Variants in MGAT4C observed in about 807,000 individuals in gnomAD.
MGAT4C encodes MGAT4 family member C.
MGAT4C carries 19 observed loss-of-function variants against 40.1 expected under a neutral mutation model. That is an observed-to-expected ratio of 0.47 (90% CI 0.33 to 0.70). The LOEUF (loss-of-function observed/expected upper bound fraction) is 0.70. MGAT4C is among the 30% of genes least tolerant of loss of function. The pLI is 0.02. For synonymous variants in MGAT4C, 181 were observed against 187.1 expected, an observed-to-expected ratio of 0.97 and a Z score of 0.27; for missense variants, 491 against 563.2, an observed-to-expected ratio of 0.87 and a Z score of 1.30.
chr12:86,322,752 C>T (rs1376576759), intron 4 of MGAT4C, among the ~76,000 whole-genome samples: 2 of 151,858 alleles, frequency 1.3e-5, no homozygotes, highest in Non-Finnish European at 2.9e-5. Flanking sequence ...TTTTACAAGT[C>T]CAATAACGTG....
intron 4 of MGAT4C, among the ~76,000 whole-genome samples, chr12:86,272,874 AAATT>A (rs1343568093): frequency 2.0e-5 from 3 of 152,152 alleles, no homozygotes; most frequent in Admixed American, 6.5e-5. Context: ...TAAATAAATT[AAATT>A]AATTAAATAT....
intron 4 of MGAT4C, among the ~76,000 whole-genome samples, chr12:86,264,166 G>C (rs1353897237): frequency 6.6e-6 from 1 of 152,066 alleles, no homozygotes; most frequent in Non-Finnish European, 1.5e-5. Flanking sequence ...TTCTTTTGCT[G>C]TGCAGAAGCT....
chr12:86,312,188 T>G (rs902436293), intron 4 of MGAT4C, among the ~76,000 whole-genome samples: 4 of 152,196 alleles, frequency 2.6e-5, no homozygotes, highest in African/African-American at 9.7e-5. Flanking sequence ...TACCTACTCT[T>G]TCCCTTGCAC....
chr12:86,074,919 G>A (rs1869378321), intron 1 of MGAT4C, among the ~76,000 whole-genome samples: 1 of 152,130 alleles, frequency 6.6e-6, no homozygotes, highest in Non-Finnish European at 1.5e-5. Flanking sequence ...GGGGAATTAT[G>A]GAAGCTACAA....
In MGAT4C at chr12:86,814,293, TA is replaced by T; in HGVS notation, c.-262+24372del. Among the ~76,000 whole-genome samples, 5 of 10,620 alleles carry T rather than the reference TA, an allele frequency of 4.7e-4. 1 individual carries two copies. In the South Asian group the frequency reaches 0.021, roughly 44 times the overall value. 7.0% of individuals were successfully genotyped at this position (10,620 alleles called of 152,430 possible). The stretch of plus-strand genomic sequence containing the variant: ...ATATACGTATATATATACATATATA[TA>T]CATATACGTATATATATACGTATAT... On this transcript the variant is annotated intron_variant, in intron 1 of 7. Transcript: ENST00000548651.
chr12:86,316,920 A>G (rs1954251625), intron 4 of MGAT4C, among the ~76,000 whole-genome samples: 1 of 152,156 alleles, frequency 6.6e-6, no homozygotes, highest in Admixed American at 6.5e-5. Flanking sequence ...AAAGTAATGA[A>G]ATGAAGCAAA....
rs540241685 is a variant in MGAT4C at position 86,798,225 on chromosome 12, C to T, written c.-262+40441G>A. ...CGTTATGATCAAACAGCATATACTG[C>T]TTACATTCACCATAATTTACTCATT... On this transcript the variant is annotated intron_variant, in intron 1 of 7. Coordinates refer to the MGAT4C transcript ENST00000548651. Among the ~76,000 whole-genome samples the T allele has an allele frequency of 4.0e-3, 611 of 152,046 alleles. 2 individuals carry two copies. The highest frequency in any genetic ancestry group is 6.2e-3 in the Non-Finnish European group (424 of 67,946).
chr12:86,327,122 C>A (rs1002362300), intron 4 of MGAT4C, among the ~76,000 whole-genome samples: 7 of 152,060 alleles, frequency 4.6e-5, no homozygotes, highest in Non-Finnish European at 7.4e-5. Context: ...TATGCATTTA[C>A]CATTATCTTA....
intron 2 of MGAT4C, among the ~76,000 whole-genome samples, chr12:86,646,188 T>TA (rs1963539339): frequency 6.6e-6 from 1 of 151,836 alleles, no homozygotes; most frequent in Non-Finnish European, 1.5e-5. Context: ...AACATTTATA[T>TA]AAAATCTATT....
At chr12:86,536,330 G>A (rs749131924) in intron 2 of MGAT4C, among the ~76,000 whole-genome samples, 3 of 152,108 alleles carry the variant, frequency 2.0e-5, no homozygotes, top group Admixed American at 6.6e-5. Context: ...CTTTGGAAGT[G>A]TAAGTGTCAT....
intron 1 of MGAT4C, among the ~76,000 whole-genome samples, chr12:86,185,830 C>A (rs1272317489): frequency 6.6e-6 from 1 of 152,084 alleles, no homozygotes; most frequent in Non-Finnish European, 1.5e-5. Flanking sequence ...AGAACCAAAT[C>A]AGCAAACACA....
intron 3 of MGAT4C, among the ~76,000 whole-genome samples, chr12:86,417,978 C>A (rs1367246229): frequency 2.0e-5 from 3 of 152,060 alleles, no homozygotes; most frequent in Non-Finnish European, 4.4e-5. Context: ...CATTATACAA[C>A]TAAGAAATGG....
chr12:86,690,842 C>T (rs978823457), intron 2 of MGAT4C, among the ~76,000 whole-genome samples: 2 of 152,072 alleles, frequency 1.3e-5, no homozygotes, highest in South Asian at 2.1e-4. Flanking sequence ...TTTAATGGTC[C>T]GTCATCTTAT....
intron 2 of MGAT4C, among the ~76,000 whole-genome samples, chr12:86,543,712 C>T (rs1041703309): frequency 1.3e-5 from 2 of 151,814 alleles, no homozygotes; most frequent in African/African-American, 4.9e-5. Flanking sequence ...TATTTGATTC[C>T]AATAATACAT....
At chr12:86,147,265 G>A (rs1033936660) in intron 1 of MGAT4C, among the ~76,000 whole-genome samples, 1 of 151,208 alleles carries the variant, frequency 6.6e-6, no homozygotes, top group Non-Finnish European at 1.5e-5. Context: ...TTTTTGAGAC[G>A]TAGTCTCGCT....
At chr12:86,433,494 C>T (rs1417963767) in intron 3 of MGAT4C, among the ~76,000 whole-genome samples, 4 of 151,880 alleles carry the variant, frequency 2.6e-5, no homozygotes, top group Non-Finnish European at 4.4e-5. Flanking sequence ...TTTAAGAGTG[C>T]AGAAACCACA....
At chr12:86,639,856 A>T (rs953397844) in intron 2 of MGAT4C, among the ~76,000 whole-genome samples, 3 of 151,746 alleles carry the variant, frequency 2.0e-5, no homozygotes, top group African/African-American at 7.2e-5. Context: ...TAGCAACATC[A>T]AGATTATAAG....
chr12:86,023,264 T>A (rs1377740067), intron 2 of MGAT4C, among the ~76,000 whole-genome samples: 1 of 152,122 alleles, frequency 6.6e-6, no homozygotes, highest in African/African-American at 2.4e-5. Context: ...AAAGTCAATT[T>A]TTTTTTCTGG....
intron 1 of MGAT4C, among the ~76,000 whole-genome samples, chr12:86,213,100 C>T (rs1414542464): frequency 6.6e-6 from 1 of 152,002 alleles, no homozygotes; most frequent in African/African-American, 2.4e-5. Context: ...AGCTACACTC[C>T]TGGAACATTA....
Sources: allele counts gnomAD v4.1 joint callset (sites outside exome capture counted in the v4.1 genomes callset), GRCh38; gene constraint gnomAD v4.1.1; transcripts MANE v1.5; gene names NCBI Gene and HGNC (gene_info 2026-07-23, HGNC 2026-07-21).